SYNE2: variants seen among roughly 807,000 people sequenced by gnomAD.
SYNE2 encodes spectrin repeat containing nuclear envelope protein 2.
SYNE2 carries 431 observed loss-of-function variants against 856.3 expected under a neutral mutation model. That is an observed-to-expected ratio of 0.50 (90% CI 0.47 to 0.55). SYNE2 has a LOEUF of 0.55. Ranked by LOEUF, SYNE2 falls within the 20% of genes least tolerant of loss-of-function variation. SYNE2 has a pLI of 0.00. For synonymous variants in SYNE2, 2,923 were observed against 2,872.3 expected, an observed-to-expected ratio of 1.02 and a Z score of -0.56; for missense variants, 8,129 against 8,023.2, an observed-to-expected ratio of 1.01 and a Z score of -0.50.
At chr14:64,154,949 C>T (rs1346983962) in intron 85 of SYNE2, among the ~76,000 whole-genome samples, 1 of 152,112 alleles carries the variant, frequency 6.6e-6, no homozygotes, top group Non-Finnish European at 1.5e-5. Context: ...TTCCCACCCA[C>T]TAGGATAGCT....
At chr14:64,212,158 G>A in intron 104 of SYNE2, 60 bp downstream of exon 104, 10 of 1,610,414 alleles carry the variant, frequency 6.2e-6, no homozygotes, top group Non-Finnish European at 6.8e-6. Flanking sequence ...TGGGAGAGCT[G>A]GCCAAGTGCA....
At chr14:63,916,355 T>C (rs2095533400) in intron 2 of SYNE2, among the ~76,000 whole-genome samples, 1 of 152,252 alleles carries the variant, frequency 6.6e-6, no homozygotes, top group Non-Finnish European at 1.5e-5. Context: ...AGAACTTCAC[T>C]GGAGATTGTT....
Position 63,994,050 on chromosome 14 carries a change from G to T in SYNE2, c.2781+81G>T, listed in dbSNP as rs1246131130. The T allele has an allele frequency of 9.6e-6, 14 of 1,456,052 alleles. No individual in the cohort carries two copies. In the Admixed American group the frequency reaches 2.2e-4, roughly 23 times the overall value. The allele number at this position is 1,456,052 out of a possible 1,614,324, so 90.2% of individuals were successfully genotyped here. A position where few individuals can be genotyped will look rare whatever the true frequency, so the allele number is the denominator to read the frequency against. ...GTTGGTTGTCAGAGCCATTCCTGGG[G>T]TTTTCCTGTCTACGTTGTATCACCA... On this transcript the variant is annotated intron_variant, in intron 22 of 115. Coordinates refer to ENST00000555002, the MANE Select transcript of SYNE2 (RefSeq NM_182914.3).
At chr14:63,950,311 T>C (rs1390417697) in intron 7 of SYNE2, among the ~76,000 whole-genome samples, 1 of 152,110 alleles carries the variant, frequency 6.6e-6, no homozygotes, top group Non-Finnish European at 1.5e-5. Context: ...CCCAGCACTT[T>C]GGGAGGCTGA....
At position 63,815,041 on chromosome 14, in the gene SYNE2, CACAT is replaced by C. The variant is rs1447483485; in HGVS notation, c.-304-37458_-304-37455del. ...ATCCATATATATCCATATATACATC[CACAT>C]ATATATATCCATATATACATCCACA... On this transcript the variant is annotated intron_variant, in intron 1 of 23. Transcript: ENST00000674003. Among the ~76,000 whole-genome samples the C allele has an allele frequency of 5.2e-3, 323 of 62,418 alleles. 92 individuals carry two copies. The highest frequency in any genetic ancestry group is 7.5e-3 in the East Asian group (18 of 2,386). 40.9% of individuals were successfully genotyped at this position (62,418 alleles called of 152,430 possible). A position where few individuals can be genotyped will look rare whatever the true frequency, so the allele number is the denominator to read the frequency against.
intron 31 of SYNE2, 23 bp from the exon 32 acceptor site, chr14:64,009,943 A>G (rs2153516728): frequency 2.5e-6 from 4 of 1,605,780 alleles, no homozygotes; most frequent in Non-Finnish European, 3.4e-6. Context: ...ACATTTAGCT[A>G]TTGTATATTT....
chr14:64,190,909 T>C (rs2098515364), intron 99 of SYNE2: 1 of 699,526 alleles, frequency 1.4e-6, no homozygotes, highest in African/African-American at 1.7e-5. Flanking sequence ...AAATTCCCTC[T>C]CTAAAGACAA....
chr14:64,178,799 G>A (rs183381485), intron 96 of SYNE2, among the ~76,000 whole-genome samples: 122 of 152,276 alleles, frequency 8.0e-4, no homozygotes, highest in African/African-American at 2.9e-3. Flanking sequence ...GGCTAGGCAT[G>A]GTGGCTCACA....
intron 1 of SYNE2, among the ~76,000 whole-genome samples, chr14:63,886,519 CAG>C (rs1216764813): frequency 1.6e-4 from 25 of 152,052 alleles, no homozygotes; most frequent in African/African-American, 5.6e-4. Flanking sequence ...TTATTAAGTG[CAG>C]AGTCAATTAT....
intron 1 of SYNE2, among the ~76,000 whole-genome samples, chr14:63,791,082 CAAGT>C (rs1467279053): frequency 1.3e-5 from 2 of 152,058 alleles, no homozygotes; most frequent in Non-Finnish European, 2.9e-5. Flanking sequence ...CTCAGCCTCC[CAAGT>C]AAGTGGGATT....
chr14:64,165,081 C>G (rs1467128943), intron 89 of SYNE2, among the ~76,000 whole-genome samples: 1 of 151,718 alleles, frequency 6.6e-6, no homozygotes, highest in Non-Finnish European at 1.5e-5. Flanking sequence ...GAGATGGAGT[C>G]TGCCTATGTT....
intron 99 of SYNE2, among the ~76,000 whole-genome samples, chr14:64,201,494 A>G (rs1394015387): frequency 6.6e-6 from 1 of 152,134 alleles, no homozygotes; most frequent in Non-Finnish European, 1.5e-5. Context: ...AGTGTCTGAG[A>G]GAGTGCAAGG....
At chr14:63,995,302 T>G (rs1367433541) in intron 23 of SYNE2, 100 bp downstream of exon 23, 8 of 1,034,000 alleles carry the variant, frequency 7.7e-6, no homozygotes, top group Non-Finnish European at 1.2e-5. Context: ...GTTCTGAAAA[T>G]TACCCTAGCC....
At chr14:64,146,921 T>A (rs924936139) in intron 84 of SYNE2, among the ~76,000 whole-genome samples, 4 of 152,226 alleles carry the variant, frequency 2.6e-5, no homozygotes, top group African/African-American at 9.7e-5. Context: ...CCATTTCTAC[T>A]GAGGAGGTCA....
intron 65 of SYNE2, among the ~76,000 whole-genome samples, chr14:64,112,358 G>A (rs1000863937): frequency 6.6e-6 from 1 of 152,136 alleles, no homozygotes; most frequent in African/African-American, 2.4e-5. Flanking sequence ...TTTTTTGAGA[G>A]CAAAAGGTTT....
intron 32 of SYNE2, among the ~76,000 whole-genome samples, chr14:64,015,650 G>A (rs950422510): frequency 1.3e-5 from 2 of 151,422 alleles, no homozygotes; most frequent in Non-Finnish European, 2.9e-5. Flanking sequence ...TATTTTATTG[G>A]TTTTTTTCCC....
intron 99 of SYNE2, among the ~76,000 whole-genome samples, chr14:64,195,099 T>C (rs1028372498): frequency 4.6e-5 from 7 of 152,184 alleles, no homozygotes; most frequent in African/African-American, 1.7e-4. Flanking sequence ...TTTTAGAGAC[T>C]TGGGATCAGG....
chr14:64,219,538 C>G, intron 110 of SYNE2, 128 bp downstream of exon 110: 2 of 909,850 alleles, frequency 2.2e-6, no homozygotes, highest in South Asian at 2.9e-5. Context: ...GTAGAGGTCA[C>G]TCTCTTCCAT....
intron 1 of SYNE2, among the ~76,000 whole-genome samples, chr14:63,896,048 T>C (rs1387578163): frequency 1.3e-5 from 2 of 152,054 alleles, no homozygotes; most frequent in Non-Finnish European, 2.9e-5. Flanking sequence ...ATGTAGACAG[T>C]GGTAAAGCAA....
Sources: gnomAD v4.1 joint callset for allele counts (sites outside exome capture counted in the v4.1 genomes callset) on GRCh38, gnomAD v4.1.1 for gene constraint, MANE v1.5 for transcripts, NCBI Gene and HGNC (gene_info 2026-07-23, HGNC 2026-07-21) for gene names.